CNBD2: variants seen among roughly 807,000 people sequenced by gnomAD.
CNBD2 encodes the protein cyclic nucleotide-binding domain-containing protein 2.
CNBD2 carries 64 observed loss-of-function variants against 63.7 expected under a neutral mutation model. The ratio of observed to expected loss-of-function variants is 1.00; its 90% confidence interval spans 0.82 to 1.24. The LOEUF is 1.24. Among genes scored for constraint, CNBD2 ranks in the 50% most tolerant of loss-of-function variants. The pLI, the probability that CNBD2 is intolerant of heterozygous loss-of-function variation, is 0.00. For missense variants in CNBD2, 691 were observed against 713.5 expected (o/e 0.97, Z 0.36); for synonymous variants, 229 against 255.4 (o/e 0.90, Z 0.99).
intron 2 of CNBD2, among the ~76,000 whole-genome samples, chr20:35,963,057 A>C (rs1341769508): frequency 2.0e-5 from 3 of 152,146 alleles, no homozygotes; most frequent in African/African-American, 7.2e-5. Context: ...CAATTAATCT[A>C]TTTAGGCTGG....
At chr20:35,996,369 C>T (rs758347064) in intron 8 of CNBD2, among the ~76,000 whole-genome samples, 6 of 148,550 alleles carry the variant, frequency 4.0e-5, no homozygotes, top group East Asian at 2.0e-4. Flanking sequence ...TGAATGTATG[C>T]GCACTCTCCA....
intron 11 of CNBD2, among the ~76,000 whole-genome samples, chr20:36,025,870 T>A (rs970552063): frequency 1.3e-5 from 2 of 152,190 alleles, no homozygotes; most frequent in African/African-American, 2.4e-5. Flanking sequence ...GTTTTTATTA[T>A]ATCCACATAT....
chr20:35,990,690 C>T (rs1162015331), intron 7 of CNBD2, among the ~76,000 whole-genome samples: 3 of 152,138 alleles, frequency 2.0e-5, no homozygotes, highest in East Asian at 3.9e-4. Context: ...GTGGCTCACG[C>T]CTGTAATCTC....
intron 2 of CNBD2, among the ~76,000 whole-genome samples, chr20:35,960,632 C>T (rs1023060827): frequency 6.6e-5 from 10 of 152,160 alleles, no homozygotes; most frequent in African/African-American, 1.9e-4. Context: ...GGATTACAGG[C>T]GTGAGCCACC....
At chr20:36,012,449 C>A in intron 10 of CNBD2, among the ~76,000 whole-genome samples, 1 of 148,452 alleles carries the variant, frequency 6.7e-6, no homozygotes, top group Admixed American at 6.7e-5. Context: ...CTGCACTCCT[C>A]TTGGGTGACA....
At chr20:35,977,152 T>C (rs764430076) in intron 3 of CNBD2, among the ~76,000 whole-genome samples, 23 of 152,214 alleles carry the variant, frequency 1.5e-4, no homozygotes, top group Non-Finnish European at 2.8e-4. Flanking sequence ...GAACTCTAGA[T>C]ATGAGGGCAA....
upstream of CNBD2, chr20:35,954,394 C>T (rs1439524438): frequency 9.0e-6 from 14 of 1,562,054 alleles, no homozygotes; most frequent in South Asian, 7.0e-5. Context: ...GCAGAGCTCG[C>T]GTCACCCTTG....
chr20:35,969,600 G>A (rs2056384346), intron 1 of CNBD2, among the ~76,000 whole-genome samples: 1 of 151,458 alleles, frequency 6.6e-6, no homozygotes, highest in Non-Finnish European at 1.5e-5. Flanking sequence ...TAGCATCATA[G>A]TTCTTTTTTC....
chr20:36,011,335 G>T, intron 10 of CNBD2, 78 bp downstream of exon 10: 1 of 1,358,420 alleles, frequency 7.4e-7, no homozygotes, highest in Non-Finnish European at 9.7e-7. Context: ...GACAGTAAAG[G>T]TTTAAAAACA....
chr20:36,023,215 T>C (rs1390114034), intron 10 of CNBD2, among the ~76,000 whole-genome samples: 10 of 152,130 alleles, frequency 6.6e-5, no homozygotes, highest in Non-Finnish European at 7.4e-5. Flanking sequence ...TGAGGCCTTC[T>C]TTTTCCCATC....
At position 35,987,423 on chromosome 20, in the gene CNBD2, G is replaced by T. The variant is rs1237006123; in HGVS notation, c.745G>T (p.Asp249Tyr). Residue 249 changes from aspartate (D) to tyrosine (Y), a missense_variant, in exon 7 of 12, where the codon GAT becomes TAT. Asp to Tyr is a radical substitution (Grantham distance 160). Transcript: ENST00000373973. ...RKMELFASWSDEKLWQLVAMA... is the reference protein window; with the variant it reads ...RKMELFASWSYEKLWQLVAMA... ...GATGGAGCTGTTTGCATCATGGTCT[G>T]ATGAGAAGCTCTGGCAGCTGGTAGC... The T allele has an allele frequency of 3.1e-6, 5 of 1,614,088 alleles. No individual in the cohort carries two copies. The highest frequency in any genetic ancestry group is 1.3e-5 in the African/African-American group (1 of 74,934).
At chr20:35,985,974 A>G in intron 6 of CNBD2, among the ~76,000 whole-genome samples, 1 of 152,258 alleles carries the variant, frequency 6.6e-6, no homozygotes, top group South Asian at 2.1e-4. Context: ...ATAACAGGAT[A>G]TAAATAATTA....
chr20:36,008,268 A>G, intron 8 of CNBD2, 29 bp from the exon 9 acceptor site: 1 of 1,541,694 alleles, frequency 6.5e-7, no homozygotes, highest in Middle Eastern at 1.8e-4. Context: ...AAGATCCATA[A>G]GTATCTTTTC....
At chr20:35,996,040 C>T (rs985637146) in intron 8 of CNBD2, among the ~76,000 whole-genome samples, 1 of 152,190 alleles carries the variant, frequency 6.6e-6, no homozygotes, top group Non-Finnish European at 1.5e-5. Flanking sequence ...TTAGACTACA[C>T]ATTCTTCCTT....
intron 2 of CNBD2, among the ~76,000 whole-genome samples, chr20:35,962,560 C>G (rs1018233929): frequency 6.6e-6 from 1 of 152,042 alleles, no homozygotes; most frequent in African/African-American, 2.4e-5. Context: ...GCGCCCGGCC[C>G]CCTGCAGTCT....
chr20:35,964,266 C>T (rs188036817), upstream of CNBD2, among the ~76,000 whole-genome samples: 88 of 151,538 alleles, frequency 5.8e-4, no homozygotes, highest in Non-Finnish European at 1.0e-3. Context: ...CCACAACTTC[C>T]GCCTCCTGGG....
rs1173806328 is a variant in CNBD2 at position 36,023,684 on chromosome 20, G to T, written c.1352G>T (p.Arg451Leu). 1.9e-6 allele frequency: 3 copies of T among 1,613,544 alleles called. No homozygotes were observed. The highest frequency in any genetic ancestry group is 2.7e-5 in the African/African-American group (2 of 74,826). ...ILMSLGNELI[R>L]IRKEIFYELI... is the part of the protein sequence containing the mutation. ...ATGAGCCTGGGAAATGAGTTGATAC[G>T]GATAAGGAAGGAAATATTTTATGAA... Residue 451 changes from arginine to leucine, a missense_variant, in exon 11 of 12, where the codon CGG becomes CTG. Physicochemically the swap from Arg to Leu is moderately radical, Grantham distance 102. Transcript: ENST00000373973.
In CNBD2 at chr20:35,970,485, C is replaced by T. The variant is rs184405220; in HGVS notation, c.51+1672C>T. On this transcript the variant is annotated intron_variant, in intron 1 of 11. Transcript: ENST00000373973. ...AATTTCAGCTCACTGCAACCTCCACCTCCCAGGTTCAAGTGCTCCTGGTGC... is the reference window on the plus strand; with the variant it reads ...AATTTCAGCTCACTGCAACCTCCACTTCCCAGGTTCAAGTGCTCCTGGTGC... 2.6e-5 allele frequency among the ~76,000 whole-genome samples: 4 copies of T among 152,220 alleles called. No homozygotes were observed. In the East Asian group the frequency reaches 7.7e-4, roughly 29 times the overall value.
At chr20:35,977,690 C>A (rs967343392) in intron 3 of CNBD2, among the ~76,000 whole-genome samples, 1 of 151,960 alleles carries the variant, frequency 6.6e-6, no homozygotes, top group African/African-American at 2.4e-5. Context: ...TGCCCCCAAC[C>A]CATCCCAAAA....
Sources: gnomAD v4.1 joint callset for allele counts (sites outside exome capture counted in the v4.1 genomes callset) on GRCh38, gnomAD v4.1.1 for gene constraint, MANE v1.5 for transcripts, NCBI Gene and HGNC (gene_info 2026-07-23, HGNC 2026-07-21) for gene names.